VEPH1: variants seen among roughly 807,000 people sequenced by gnomAD.
VEPH1 encodes ventricular zone expressed PH domain containing 1, also known as ventricular zone-expressed PH domain-containing protein homolog 1.
In VEPH1, 80 loss-of-function variants were observed where a neutral mutation model predicts 85.2. The ratio of observed to expected loss-of-function variants is 0.94; its 90% CI spans 0.78 to 1.13. VEPH1 has a LOEUF of 1.13. Ranked by LOEUF, VEPH1 falls within the 50% of genes most tolerant of loss-of-function variation. VEPH1 has a pLI of 0.00. For missense variants in VEPH1, 955 were observed against 980.5 expected (o/e 0.97, Z 0.35); for synonymous variants, 297 against 348.0 (o/e 0.85, Z 1.63).
chr3:157,469,724 T>G (rs1163340549), intron 3 of VEPH1, among the ~76,000 whole-genome samples: 1 of 152,248 alleles, frequency 6.6e-6, no homozygotes, highest in Non-Finnish European at 1.5e-5. Context: ...TAGAGGACCC[T>G]GTGGCTTAAG....
In VEPH1 at chr3:157,265,650, T is replaced by G. The variant is rs751456807; in HGVS notation, c.2141A>C (p.Asp714Ala). The change falls in exon 13 of 14, where the codon GAT becomes GCT. Residue 714 changes from aspartate (D) to alanine (A), a missense_variant. Transcript: ENST00000362010. The part of the protein sequence containing the change: ...NPEKATVVNQ[D>A]GQPLIEGKLK... ...TTTTCCTTCTATGAGAGGCTGGCCA[T>G]CTTGATTTACAACTGTTGAAGGTAG... 6.2e-7 allele frequency: 1 copy of G among 1,613,112 alleles called. No homozygotes were observed.
At chr3:157,279,124 C>T (rs965244207) in intron 12 of VEPH1, among the ~76,000 whole-genome samples, 89 of 152,148 alleles carry the variant, frequency 5.8e-4, no homozygotes, top group Non-Finnish European at 4.0e-4. Flanking sequence ...AGGCCAGGAC[C>T]GCATATATAG....
chr3:157,342,279 A>C (rs9682336), intron 9 of VEPH1, among the ~76,000 whole-genome samples: 110,519 of 151,914 alleles, frequency 0.73, 41,090 homozygotes, highest in African/African-American at 0.87. Context: ...TTCAGGAAGC[A>C]CATCTCATGT....
chr3:157,389,358 TAAG>T lies in VEPH1; in HGVS notation c.907-7985_907-7983del, dbSNP rs947975691. 3.3e-5 allele frequency among the ~76,000 whole-genome samples: 5 copies of T among 151,848 alleles called. No homozygotes were observed. The East Asian group carries it at 9.6e-4, about 29-fold the overall frequency. On this transcript the variant is annotated intron_variant, in intron 6 of 13. Coordinates refer to ENST00000362010, the MANE Select transcript of VEPH1 (RefSeq NM_001167912.2). The stretch of plus-strand genomic sequence containing the variant: ...AAACAAACAAAAAAAAGCATGAAGA[TAAG>T]AAAAATGTGGCAATAAAGAGGCCAT...
At chr3:157,449,672 C>T (rs1466107442) in intron 4 of VEPH1, among the ~76,000 whole-genome samples, 2 of 152,154 alleles carry the variant, frequency 1.3e-5, no homozygotes, top group Admixed American at 6.5e-5. Context: ...CTATCTGTTT[C>T]ACTTTATCTT....
chr3:157,449,970 T>A (rs954104469), intron 4 of VEPH1, among the ~76,000 whole-genome samples: 3 of 151,446 alleles, frequency 2.0e-5, no homozygotes, highest in Non-Finnish European at 2.9e-5. Context: ...AAAAACTAGT[T>A]TCTCTAAATT....
At chr3:157,341,369 A>G (rs1030271730) in intron 9 of VEPH1, among the ~76,000 whole-genome samples, 102 of 152,356 alleles carry the variant, frequency 6.7e-4, no homozygotes, top group Non-Finnish European at 1.2e-3. Context: ...TGAGAACTAT[A>G]TGACGAATGC....
At chr3:157,369,194 A>AAAAAAAAAAAAC (rs1560001318) in intron 7 of VEPH1, among the ~76,000 whole-genome samples, 1 of 144,962 alleles carries the variant, frequency 6.9e-6, no homozygotes, top group Non-Finnish European at 1.5e-5. Flanking sequence ...AAAAAAAAAA[A>AAAAAAAAAAAAC]AAAAAAAAAA....
At chr3:157,478,937 G>A (rs1737750731) in intron 2 of VEPH1, among the ~76,000 whole-genome samples, 1 of 151,984 alleles carries the variant, frequency 6.6e-6, no homozygotes, top group South Asian at 2.1e-4. Context: ...TACATGGCAT[G>A]AAGAAAAAAT....
At chr3:157,412,399 A>G (rs1237571981) in intron 6 of VEPH1, among the ~76,000 whole-genome samples, 3 of 152,176 alleles carry the variant, frequency 2.0e-5, no homozygotes, top group Non-Finnish European at 4.4e-5. Context: ...ATTACTATAC[A>G]TTAATGAATC....
At position 157,274,784 on chromosome 3, in the gene VEPH1, G is replaced by C. The variant is rs144069887; in HGVS notation, c.2129-9122C>G. On this transcript the variant is annotated intron_variant, in intron 12 of 13. Transcript: ENST00000362010. The stretch of plus-strand genomic sequence containing the variant: ...CAAAGTTTTGGGATTATAAGCATGA[G>C]CCACTGCACCTGGCCCTCTTCTGTT... 2.1e-3 allele frequency among the ~76,000 whole-genome samples: 321 copies of C among 152,276 alleles called. 2 individuals are homozygous for C. The highest frequency in any genetic ancestry group is 3.8e-3 in the Non-Finnish European group (259 of 68,026).
Position 157,374,866 on chromosome 3 carries a change from C to T in VEPH1, c.1127+6290G>A, listed in dbSNP as rs114808234. 9.7e-3 allele frequency among the ~76,000 whole-genome samples: 1,470 copies of T among 152,270 alleles called. 25 individuals are homozygous for T. The highest frequency in any genetic ancestry group is 0.044 in the East Asian group (227 of 5,188). On this transcript the variant is annotated intron_variant, in intron 7 of 13. Transcript: ENST00000362010. The stretch of plus-strand genomic sequence containing the variant: ...ATAGGCAAAAGTTACCCTTGACATT[C>T]CTTTAATATTCTTTTGAATTATCCA...
chr3:157,425,070 C>T (rs1418593860), intron 5 of VEPH1, among the ~76,000 whole-genome samples: 1 of 152,252 alleles, frequency 6.6e-6, no homozygotes. Context: ...TGTGTGCAGT[C>T]TAGGGACTTG....
intron 11 of VEPH1, among the ~76,000 whole-genome samples, chr3:157,287,176 C>T (rs1420839579): frequency 1.3e-5 from 2 of 152,046 alleles, no homozygotes; most frequent in African/African-American, 4.8e-5. Flanking sequence ...AGTTCAAGAC[C>T]AGCCTGGGCA....
chr3:157,447,174 C>T lies in VEPH1; in HGVS notation c.529+13007G>A, dbSNP rs569700204. On this transcript the variant is annotated intron_variant, in intron 4 of 13. Coordinates refer to ENST00000362010, the MANE Select transcript of VEPH1 (RefSeq NM_001167912.2). Reference sequence around the variant, plus strand: ...TTGTGGGTAAGTCATTTTCAGAGTTCAGCACACAAATGTCCAAATCTATGC... The same window carrying T: ...TTGTGGGTAAGTCATTTTCAGAGTTTAGCACACAAATGTCCAAATCTATGC... 2.6e-5 allele frequency among the ~76,000 whole-genome samples: 4 copies of T among 152,232 alleles called. No homozygotes were observed. In the East Asian group the frequency reaches 7.7e-4, roughly 29 times the overall value.
intron 9 of VEPH1, among the ~76,000 whole-genome samples, chr3:157,358,959 G>C (rs148322538): frequency 6.6e-6 from 1 of 152,094 alleles, no homozygotes; most frequent in Non-Finnish European, 1.5e-5. Flanking sequence ...TTGTGCCACA[G>C]CACTCCAGCC....
At chr3:157,442,207 G>T (rs907731666) in intron 4 of VEPH1, among the ~76,000 whole-genome samples, 64 of 152,000 alleles carry the variant, frequency 4.2e-4, no homozygotes, top group African/African-American at 1.4e-3. Flanking sequence ...TCTTTGCTCT[G>T]CAGAGATTAC....
chr3:157,286,312 TG>T, intron 12 of VEPH1: 1 of 462,704 alleles, frequency 2.2e-6, no homozygotes, highest in Non-Finnish European at 4.0e-6. Context: ...GCAAAATGGC[TG>T]ATACTGCTTC....
At chr3:157,463,978 T>C (rs966665867) in intron 3 of VEPH1, among the ~76,000 whole-genome samples, 2 of 152,190 alleles carry the variant, frequency 1.3e-5, no homozygotes, top group African/African-American at 4.8e-5. Flanking sequence ...ATTCATCAGA[T>C]CCAGTATTTT....
Sources: gnomAD v4.1 joint callset for allele counts (sites outside exome capture counted in the v4.1 genomes callset) on GRCh38, gnomAD v4.1.1 for gene constraint, MANE v1.5 for transcripts, NCBI Gene and HGNC (gene_info 2026-07-23, HGNC 2026-07-21) for gene names.